Variants in RRBP1 observed in about 807,000 individuals in gnomAD.
RRBP1 encodes the protein ribosome binding protein 1, also known as ribosome-binding protein 1.
Under a neutral mutation model 165.2 loss-of-function variants are expected in RRBP1, and 94 were observed. That is an observed-to-expected ratio of 0.57 (90% CI 0.48 to 0.68). The LOEUF (loss-of-function observed/expected upper bound fraction) is 0.68, where lower values mean the gene tolerates loss of function less well. Ranked by LOEUF, RRBP1 falls within the 30% of genes least tolerant of loss-of-function variation. RRBP1 has a pLI of 0.00. For missense variants in RRBP1, 1,676 were observed against 1,763.0 expected, an observed-to-expected ratio of 0.95 and a Z score of 0.88; for synonymous variants, 680 against 714.5, an observed-to-expected ratio of 0.95 and a Z score of 0.77.
At chr20:17,677,393 G>C (rs2037103369) in intron 2 of RRBP1, among the ~76,000 whole-genome samples, 1 of 152,236 alleles carries the variant, frequency 6.6e-6, no homozygotes, top group Admixed American at 6.5e-5. Context: ...TGACCAGAAA[G>C]AGATCAAGTA....
chr20:17,615,056 G>A (rs542626696), intron 23 of RRBP1, among the ~76,000 whole-genome samples, 176 bp from the exon 24 acceptor site: 71 of 152,314 alleles, frequency 4.7e-4, no homozygotes, highest in Non-Finnish European at 7.8e-4. Context: ...CATGCTGACC[G>A]TGAGGGCTGG....
At chr20:17,637,916 G>C (rs1430331234) in intron 5 of RRBP1, among the ~76,000 whole-genome samples, 1 of 152,214 alleles carries the variant, frequency 6.6e-6, no homozygotes, top group African/African-American at 2.4e-5. Context: ...TTCTCTGGAA[G>C]ACGAGGATTA....
In RRBP1 at chr20:17,624,632, G is replaced by A; in HGVS notation, c.3091C>T (p.Leu1031=). 2 of 1,590,598 alleles carry A rather than the reference G, an allele frequency of 1.3e-6. No individual in the cohort carries two copies. Among genetic ancestry groups the A allele is most frequent in the Non-Finnish European group, 8.6e-7 (1 of 1,169,170 alleles). The change falls in exon 13 of 25, where the codon CTG becomes TTG. Residue 1031 remains leucine, a synonymous_variant. Coordinates refer to ENST00000377813, the MANE Select transcript of RRBP1 (RefSeq NM_001365613.2). ...REKNWKAMEA[L]ATAEQACKEK... is the part of the protein sequence containing the mutation. ...TTGCAGGCCTGCTCGGCCGTGGCCA[G>A]TGCCTCCATGGCCTTCCAGTTCTTC...
At chr20:17,669,535 T>C (rs960971035) in intron 2 of RRBP1, among the ~76,000 whole-genome samples, 3 of 152,230 alleles carry the variant, frequency 2.0e-5, no homozygotes, top group African/African-American at 7.2e-5. Flanking sequence ...CCACATCAAA[T>C]ATGGTAAGTG....
At chr20:17,629,999 G>A in intron 8 of RRBP1, 38 bp from the exon 9 acceptor site, 2 of 1,576,166 alleles carry the variant, frequency 1.3e-6, no homozygotes, top group South Asian at 1.1e-5. Context: ...TGAAGACGTG[G>A]AAGGACCAGG....
chr20:17,661,620 G>A (rs1013230283), intron 2 of RRBP1, among the ~76,000 whole-genome samples: 1 of 152,188 alleles, frequency 6.6e-6, no homozygotes. Flanking sequence ...AGCCAGTCCC[G>A]AGTCTCTCTA....
chr20:17,679,381 A>C (rs2048679591), intron 2 of RRBP1, among the ~76,000 whole-genome samples: 1 of 152,268 alleles, frequency 6.6e-6, no homozygotes, highest in Admixed American at 6.5e-5. Context: ...CAGCATGCAC[A>C]GACGGACAGC....
At chr20:17,656,775 C>T (rs2036653212) in intron 3 of RRBP1, among the ~76,000 whole-genome samples, 1 of 152,202 alleles carries the variant, frequency 6.6e-6, no homozygotes, top group Non-Finnish European at 1.5e-5. Flanking sequence ...GAAAGTTTGG[C>T]TGGAATAATG....
intron 3 of RRBP1, among the ~76,000 whole-genome samples, chr20:17,644,573 A>G (rs897794101): frequency 6.6e-6 from 1 of 152,218 alleles, no homozygotes; most frequent in Admixed American, 6.5e-5. Flanking sequence ...TGTTTCAAAG[A>G]CACCTCTGTA....
At chr20:17,653,205 CCT>C (rs1344947636) in intron 3 of RRBP1, among the ~76,000 whole-genome samples, 4 of 152,184 alleles carry the variant, frequency 2.6e-5, no homozygotes, top group South Asian at 2.1e-4. Flanking sequence ...CGGGCTCTCC[CCT>C]GTGTTCGTGT....
intron 11 of RRBP1, among the ~76,000 whole-genome samples, chr20:17,625,954 G>A (rs1291601489): frequency 1.3e-5 from 2 of 152,100 alleles, no homozygotes; most frequent in African/African-American, 2.4e-5. Flanking sequence ...GACAGCCTCC[G>A]CCGGCAAATC....
intron 2 of RRBP1, among the ~76,000 whole-genome samples, chr20:17,661,181 T>A (rs568435025): frequency 6.6e-6 from 1 of 152,344 alleles, no homozygotes; most frequent in South Asian, 2.1e-4. Context: ...TGTTTCCCTC[T>A]TCCCCAGTGC....
intron 2 of RRBP1, among the ~76,000 whole-genome samples, chr20:17,679,637 C>T (rs78429265): frequency 0.044 from 6,671 of 152,284 alleles, 484 homozygotes; most frequent in African/African-American, 0.15. Context: ...ACCATTTAAA[C>T]TGAGTTTGCT....
chr20:17,630,836 A>T (rs1001342493), intron 8 of RRBP1, among the ~76,000 whole-genome samples: 2 of 152,262 alleles, frequency 1.3e-5, no homozygotes, highest in Non-Finnish European at 2.9e-5. Context: ...TGTTTGAATA[A>T]GAGGCTGTGA....
At chr20:17,622,030 G>A in intron 13 of RRBP1, 83 bp from the exon 14 acceptor site, 1 of 1,013,096 alleles carries the variant, frequency 9.9e-7, no homozygotes, top group Non-Finnish European at 1.5e-6. Flanking sequence ...GATATGCCCG[G>A]GTCTCTGCCC....
intron 5 of RRBP1, among the ~76,000 whole-genome samples, chr20:17,637,232 C>T (rs989140571): frequency 6.6e-5 from 10 of 152,048 alleles, no homozygotes; most frequent in Non-Finnish European, 1.5e-4. Context: ...TGCAGGCGGT[C>T]GCTCTGTCCT....
At chr20:17,653,523 A>G (rs937548968) in intron 3 of RRBP1, among the ~76,000 whole-genome samples, 1 of 152,364 alleles carries the variant, frequency 6.6e-6, no homozygotes, top group South Asian at 2.1e-4. Flanking sequence ...ACCAATACAT[A>G]CAGATCACAC....
intron 9 of RRBP1, among the ~76,000 whole-genome samples, chr20:17,628,122 G>T (rs1259652558): frequency 6.6e-6 from 1 of 151,640 alleles, no homozygotes; most frequent in African/African-American, 2.4e-5. Flanking sequence ...GTCGAGAAAG[G>T]CCAGGGGGTG....
intron 2 of RRBP1, among the ~76,000 whole-genome samples, chr20:17,678,532 C>T (rs1485397708): frequency 3.3e-5 from 5 of 152,172 alleles, no homozygotes; most frequent in African/African-American, 1.2e-4. Context: ...TTTTGACCTA[C>T]AGAATGGGCA....
Sources: gnomAD v4.1 joint callset for allele counts (sites outside exome capture counted in the v4.1 genomes callset) on GRCh38, gnomAD v4.1.1 for gene constraint, MANE v1.5 for transcripts, NCBI Gene and HGNC (gene_info 2026-07-23, HGNC 2026-07-21) for gene names.